Variants in GRTP1 observed in about 807,000 individuals in gnomAD.
GRTP1 encodes the protein growth hormone-regulated TBC protein 1.
Under a neutral mutation model 38.1 loss-of-function variants are expected in GRTP1, and 56 were observed. That is an observed-to-expected ratio of 1.47 (90% confidence interval 1.19 to 1.84). The LOEUF is 1.84. Ranked by LOEUF, GRTP1 falls within the 40% of genes most tolerant of loss-of-function variation. The pLI is 0.00. For synonymous variants in GRTP1, 217 were observed against 189.5 expected (o/e 1.14, Z -1.19); for missense variants, 506 against 453.9 (o/e 1.11, Z -1.04).
Position 113,326,101 on chromosome 13 carries a change from A to G in GRTP1, c.563-10T>C. ...GCCGGGCTGTAGTAATCTGCCAGGC[A>G]ATGTGGAGAAAAGACCCCGAGACAC... is the stretch of plus-strand genomic sequence containing the variant. On this transcript the variant is annotated splice_polypyrimidine_tract_variant and intron_variant, in intron 5 of 7. Transcript: ENST00000375431. 6.2e-7 allele frequency: 1 copy of G among 1,605,006 alleles called. No homozygotes were observed. The highest frequency in any genetic ancestry group is 1.7e-5 in the Admixed American group (1 of 59,962).
chr13:113,328,703 G>A (rs2042811959), intron 5 of GRTP1, among the ~76,000 whole-genome samples: 1 of 152,202 alleles, frequency 6.6e-6, no homozygotes, highest in African/African-American at 2.4e-5. Context: ...AATATTTTTT[G>A]TAGAGAGAAG....
At chr13:113,329,364 G>A (rs2042823006) in intron 5 of GRTP1, among the ~76,000 whole-genome samples, 1 of 152,136 alleles carries the variant, frequency 6.6e-6, no homozygotes, top group Non-Finnish European at 1.5e-5. Flanking sequence ...GATCACCTGA[G>A]GTCAGAAGTT....
intron 2 of GRTP1, chr13:113,360,217 T>C (rs2043470005): frequency 6.6e-6 from 1 of 152,128 alleles, no homozygotes; most frequent in African/African-American, 2.4e-5. Flanking sequence ...AGGACTAAGT[T>C]TGTTGAATTT....
chr13:113,346,211 G>C lies in GRTP1; in HGVS notation c.466-1252C>G, dbSNP rs1359451081. Among the ~76,000 whole-genome samples, 44 of 124,960 alleles carry C rather than the reference G, an allele frequency of 3.5e-4. 2 individuals are homozygous for C. The highest frequency in any genetic ancestry group is 7.6e-4 in the African/African-American group (23 of 30,244). 82.0% of individuals were successfully genotyped at this position (124,960 alleles called of 152,430 possible). On this transcript the variant is annotated intron_variant, in intron 4 of 7. Transcript: ENST00000375431. ...CTGTGGCTGAGAGCAGACCCGGGAG[G>C]ACCTCTGTGGCTGAGAACAGACCCG...
At chr13:113,326,662 C>T (rs1213312607) in intron 5 of GRTP1, among the ~76,000 whole-genome samples, 1 of 149,950 alleles carries the variant, frequency 6.7e-6, no homozygotes, top group Non-Finnish European at 1.5e-5. Flanking sequence ...CAGAGCGAGA[C>T]TCTGTCTCAA....
At chr13:113,336,711 C>T (rs1160389396) in intron 5 of GRTP1, among the ~76,000 whole-genome samples, 2 of 151,786 alleles carry the variant, frequency 1.3e-5, no homozygotes, top group East Asian at 1.9e-4. Context: ...GGACAGCGGA[C>T]ACATGAACTG....
At chr13:113,347,654 A>G (rs72485700) in intron 4 of GRTP1, among the ~76,000 whole-genome samples, 815 of 14,298 alleles carry the variant, frequency 0.057, 138 homozygotes, top group Non-Finnish European at 0.075. Context: ...GTGGCTGAGC[A>G]GATCTGGGAG....
At chr13:113,336,301 T>TTTTG (rs1555315319) in intron 5 of GRTP1, among the ~76,000 whole-genome samples, 6 of 24,278 alleles carry the variant, frequency 2.5e-4, no homozygotes, top group African/African-American at 2.8e-4. Flanking sequence ...TAAGGTAGTT[T>TTTTG]TTTTTTTTTT....
At position 113,325,862 on chromosome 13, in the gene GRTP1, A is replaced by G; in HGVS notation, c.736-16T>C. ...GAAGCACTGTCTGCAGAGACATGGG[A>G]ACCCGGTGTCACTCCCTGGCGGCCC... On this transcript the variant is annotated splice_polypyrimidine_tract_variant and intron_variant, in intron 6 of 7. Transcript: ENST00000375431. The G allele has an allele frequency of 6.2e-7, 1 of 1,613,854 alleles. No homozygotes were observed. Among genetic ancestry groups the G allele is most frequent in the East Asian group, 2.2e-5 (1 of 44,854 alleles).
At chr13:113,339,265 G>A (rs1443841582) in intron 5 of GRTP1, among the ~76,000 whole-genome samples, 1 of 152,094 alleles carries the variant, frequency 6.6e-6, no homozygotes, top group Non-Finnish European at 1.5e-5. Context: ...CTAACCCTTT[G>A]TTAATTATAT....
At chr13:113,355,278 C>A (rs2043362235) in intron 3 of GRTP1, 45 bp downstream of exon 3, 1 of 1,598,910 alleles carries the variant, frequency 6.3e-7, no homozygotes, top group Non-Finnish European at 8.5e-7. Context: ...CCGGTTCCTT[C>A]CGGCCCCCGG....
rs1241746922 is a variant in GRTP1, at chr13:113,325,668, A to G, written c.914T>C (p.Phe305Ser). The change falls in exon 7 of 8, where the codon TTT becomes TCT. Residue 305 changes from phenylalanine to serine, a missense_variant. Physicochemically the swap from Phe to Ser is radical, Grantham distance 155. Coordinates refer to ENST00000375431, the MANE Select transcript of GRTP1 (RefSeq NM_024719.4). ...KGSFVMECHT[F>S]MQKIFSEPGS... ...ACGTGCAGCCCCACACACCTGCATA[A>G]ACGTGTGACACTCCATCACGAAACT... 2 of 1,613,500 alleles carry G rather than the reference A, an allele frequency of 1.2e-6. No individual in the cohort carries two copies. Among genetic ancestry groups the G allele is most frequent in the East Asian group, 4.5e-5 (2 of 44,840 alleles).
At chr13:113,333,874 T>TGTGTGTGTGC (rs33972835) in intron 5 of GRTP1, among the ~76,000 whole-genome samples, 6,771 of 135,234 alleles carry the variant, frequency 0.05, 273 homozygotes, top group East Asian at 0.096. Flanking sequence ...TGTGTGTGTG[T>TGTGTGTGTGC]CCGAGGCTGG....
chr13:113,324,470 C>G lies in GRTP1; in HGVS notation c.*18G>C. On this transcript the variant is annotated 3_prime_UTR_variant, in exon 8 of 8. Transcript: ENST00000375431. ...GCATCGTCAGTGTAGAGACGAGCAA[C>G]GCAGGGGACAGGCACGCTCACCCCT... The G allele has an allele frequency of 6.3e-7, 1 of 1,594,340 alleles. No individual in the cohort carries two copies. Among genetic ancestry groups the G allele is most frequent in the Non-Finnish European group, 8.5e-7 (1 of 1,170,952 alleles).
intron 5 of GRTP1, among the ~76,000 whole-genome samples, chr13:113,332,041 G>A (rs2042878739): frequency 1.3e-5 from 2 of 151,714 alleles, no homozygotes; most frequent in Admixed American, 6.5e-5. Context: ...GGCCGAGGTG[G>A]GAGGATTGCT....
At chr13:113,332,275 C>G (rs909528340) in intron 5 of GRTP1, among the ~76,000 whole-genome samples, 1 of 150,132 alleles carries the variant, frequency 6.7e-6, no homozygotes, top group Non-Finnish European at 1.5e-5. Flanking sequence ...CACACAGGTA[C>G]ACACGTGCAC....
At chr13:113,341,611 AG>A (rs2043027620) in intron 5 of GRTP1, among the ~76,000 whole-genome samples, 1 of 152,022 alleles carries the variant, frequency 6.6e-6, no homozygotes, top group South Asian at 2.1e-4. Flanking sequence ...TCTATTTATC[AG>A]TTTTCCCAAA....
chr13:113,336,564 G>T (rs897006227), intron 5 of GRTP1, among the ~76,000 whole-genome samples: 1 of 151,882 alleles, frequency 6.6e-6, no homozygotes, highest in African/African-American at 2.4e-5. Flanking sequence ...GCGAGGTGAG[G>T]GGGGCTGGCT....
rs1249168773 is a variant in GRTP1, at chr13:113,342,337, C to G, written c.562+2526G>C. Among the ~76,000 whole-genome samples, 1 of 151,896 alleles carries G rather than the reference C, an allele frequency of 6.6e-6. No individual in the cohort carries two copies. The highest frequency in any genetic ancestry group is 2.4e-5 in the African/African-American group (1 of 41,360). On this transcript the variant is annotated intron_variant, in intron 5 of 7. Coordinates refer to ENST00000375431, the MANE Select transcript of GRTP1 (RefSeq NM_024719.4). The surrounding 1 kb of genome is among the most constrained non-coding windows in gnomAD (Gnocchi z 4.5). ...TGGCTAACACGGTGAAACCCCATCT[C>G]TACTAAAAATACAAAAAAAAATTGG...
Sources: allele counts gnomAD v4.1 joint callset (sites outside exome capture counted in the v4.1 genomes callset), GRCh38; gene constraint gnomAD v4.1.1; non-coding constraint Gnocchi (gnomAD v3.1); transcripts MANE v1.5; gene names NCBI Gene and HGNC (gene_info 2026-07-23, HGNC 2026-07-21).